ZNF33A: variants seen among roughly 807,000 people sequenced by gnomAD.
The protein encoded by ZNF33A is zinc finger protein 33A, also known as brain my041 protein.
In ZNF33A, 9 loss-of-function variants were observed where a neutral mutation model predicts 15.9. That is an observed-to-expected ratio of 0.57 (90% CI 0.34 to 0.99). The LOEUF (loss-of-function observed/expected upper bound fraction) is 0.99. Ranked by LOEUF, ZNF33A falls within the 50% of genes least tolerant of loss-of-function variation. The probability of loss-of-function intolerance (pLI) is 0.02; values close to 1 mark genes in which losing one functional copy is unlikely to be tolerated. For missense variants in ZNF33A, 843 were observed against 941.6 expected, an observed-to-expected ratio of 0.90 and a Z score of 1.37; for synonymous variants, 294 against 324.2, an observed-to-expected ratio of 0.91 and a Z score of 1.00.
At chr10:38,035,704 T>C (rs1302322385) in intron 4 of ZNF33A, among the ~76,000 whole-genome samples, 3 of 152,196 alleles carry the variant, frequency 2.0e-5, no homozygotes, top group Admixed American at 2.0e-4. Flanking sequence ...CCTGAACTCA[T>C]GACTTCGGTG....
At chr10:38,011,686 T>C (rs1314609409) in intron 1 of ZNF33A, among the ~76,000 whole-genome samples, 1 of 152,214 alleles carries the variant, frequency 6.6e-6, no homozygotes, top group Non-Finnish European at 1.5e-5. Context: ...GGATCACAGT[T>C]AGTAGGGAAG....
At chr10:38,026,961 T>A (rs1269844557) in intron 4 of ZNF33A, among the ~76,000 whole-genome samples, 2 of 152,190 alleles carry the variant, frequency 1.3e-5, no homozygotes, top group Admixed American at 6.5e-5. Flanking sequence ...TTGGCCTGCA[T>A]CAACTGAAAG....
intron 4 of ZNF33A, among the ~76,000 whole-genome samples, chr10:38,025,904 C>G (rs1471502985): frequency 1.3e-5 from 2 of 152,038 alleles, no homozygotes; most frequent in Non-Finnish European, 2.9e-5. Flanking sequence ...AAACAGAAAC[C>G]CTATTGCTAT....
chr10:38,034,152 G>C (rs1212569172), intron 4 of ZNF33A, among the ~76,000 whole-genome samples: 1 of 152,174 alleles, frequency 6.6e-6, no homozygotes, highest in Non-Finnish European at 1.5e-5. Flanking sequence ...TTCTGCTGTC[G>C]TTAACATATT....
At chr10:38,051,760 A>G (rs900871620) in intron 4 of ZNF33A, among the ~76,000 whole-genome samples, 31 of 152,232 alleles carry the variant, frequency 2.0e-4, no homozygotes, top group African/African-American at 6.7e-4. Context: ...ACCTTTTACT[A>G]TACTTCTTTT....
chr10:38,011,783 T>A (rs931290296), intron 1 of ZNF33A, among the ~76,000 whole-genome samples: 18 of 152,154 alleles, frequency 1.2e-4, no homozygotes, highest in African/African-American at 4.1e-4. Flanking sequence ...CTTTGAGAAA[T>A]AGCAACAAAG....
At position 38,053,354 on chromosome 10, in the gene ZNF33A, C is replaced by A. The variant is rs759239930; in HGVS notation, c.251-1021C>A. Among the ~76,000 whole-genome samples, 3 of 152,010 alleles carry A rather than the reference C, an allele frequency of 2.0e-5. No homozygotes were observed. In the Middle Eastern group the frequency reaches 0.01, roughly 517 times the overall value. On this transcript the variant is annotated intron_variant, in intron 4 of 4. Coordinates refer to ENST00000432900, the MANE Select transcript of ZNF33A (RefSeq NM_006954.2). Reference sequence around the variant, plus strand: ...ACAGCCTTTTCTCTGTGCATATGACCAGTGGTTGGGGGTGGTGGGTTGGGG... The same window carrying A: ...ACAGCCTTTTCTCTGTGCATATGACAAGTGGTTGGGGGTGGTGGGTTGGGG...
At chr10:38,014,602 A>G (rs2064359843) in intron 2 of ZNF33A, among the ~76,000 whole-genome samples, 1 of 152,118 alleles carries the variant, frequency 6.6e-6, no homozygotes, top group African/African-American at 2.4e-5. Context: ...TGAAAACACC[A>G]TCCTTTCCCC....
At chr10:38,043,532 C>T (rs2065809753) in intron 4 of ZNF33A, among the ~76,000 whole-genome samples, 1 of 151,820 alleles carries the variant, frequency 6.6e-6, no homozygotes, top group Non-Finnish European at 1.5e-5. Flanking sequence ...GCTGTGTGAC[C>T]CCAGGTCAAA....
At chr10:38,018,684 C>T (rs1362144211) in intron 4 of ZNF33A, among the ~76,000 whole-genome samples, 4 of 151,992 alleles carry the variant, frequency 2.6e-5, no homozygotes, top group African/African-American at 9.7e-5. Context: ...TAGACAGAGC[C>T]GGAAGGCAGG....
intron 4 of ZNF33A, among the ~76,000 whole-genome samples, chr10:38,027,772 G>C (rs1339917378): frequency 6.6e-6 from 1 of 152,134 alleles, no homozygotes; most frequent in African/African-American, 2.4e-5. Flanking sequence ...CTTATTGATG[G>C]AACGACCCTT....
Position 38,056,644 on chromosome 10 carries a change from G to T in ZNF33A, c.*84G>T. 6.8e-7 allele frequency: 1 copy of T among 1,470,628 alleles called. No homozygotes were observed. Among genetic ancestry groups the T allele is most frequent in the South Asian group, 1.5e-5 (1 of 64,824 alleles). 91.1% of individuals were successfully genotyped at this position (1,470,628 alleles called of 1,614,324 possible). A position where few individuals can be genotyped will look rare whatever the true frequency, so the allele number is the denominator to read the frequency against. Reference sequence around the variant, plus strand: ...CTACAACAATTATAGGACAGCTTTTGTTAGGAAGTGATATTCTATGTAATA... The same window carrying T: ...CTACAACAATTATAGGACAGCTTTTTTTAGGAAGTGATATTCTATGTAATA... On this transcript the variant is annotated 3_prime_UTR_variant, in exon 5 of 5. Coordinates refer to ENST00000432900, the MANE Select transcript of ZNF33A (RefSeq NM_006954.2).
At chr10:38,048,657 C>T (rs536682554) in intron 4 of ZNF33A, among the ~76,000 whole-genome samples, 1 of 152,264 alleles carries the variant, frequency 6.6e-6, no homozygotes, top group South Asian at 2.1e-4. Context: ...AAATAGCTTT[C>T]AGAGCCAGGA....
chr10:38,045,435 C>T (rs1391304535), intron 4 of ZNF33A, among the ~76,000 whole-genome samples: 12 of 152,198 alleles, frequency 7.9e-5, no homozygotes, highest in Non-Finnish European at 4.4e-5. Flanking sequence ...TTGTTTTCAA[C>T]ACTGTCCTGG....
At chr10:38,049,570 G>A (rs903387023) in intron 4 of ZNF33A, among the ~76,000 whole-genome samples, 1 of 151,876 alleles carries the variant, frequency 6.6e-6, no homozygotes, top group Non-Finnish European at 1.5e-5. Flanking sequence ...TCACATATAG[G>A]GAATTTCATA....
chr10:38,010,779 G>A lies in ZNF33A; in HGVS notation c.-49G>A. 6.3e-7 allele frequency: 1 copy of A among 1,598,488 alleles called. No homozygotes were observed. The highest frequency in any genetic ancestry group is 8.5e-7 in the Non-Finnish European group (1 of 1,179,818). Reference sequence around the variant, plus strand: ...ATGGCGAATGCAACCCGACGAGGGAGTGGGGTAAGCCCCAGTGGGTTGGGC... The same window carrying A: ...ATGGCGAATGCAACCCGACGAGGGAATGGGGTAAGCCCCAGTGGGTTGGGC... On this transcript the variant is annotated 5_prime_UTR_variant, in exon 1 of 5. It adds an upstream start codon to the 5' untranslated region. Transcript: ENST00000432900.
intron 4 of ZNF33A, among the ~76,000 whole-genome samples, chr10:38,033,711 C>CTTTTTTT (rs369166182): frequency 6.8e-6 from 1 of 146,346 alleles, no homozygotes. Context: ...TGTTGAACAT[C>CTTTTTTT]TTTTTTTTTT....
intron 4 of ZNF33A, 168 bp downstream of exon 4, chr10:38,017,554 A>G (rs2064516870): frequency 4.1e-6 from 2 of 487,356 alleles, no homozygotes; most frequent in Middle Eastern, 5.6e-4. Flanking sequence ...TCCAGATACT[A>G]CTCACAAAAA....
chr10:38,036,601 G>T (rs2065464937), intron 4 of ZNF33A, among the ~76,000 whole-genome samples: 1 of 151,904 alleles, frequency 6.6e-6, no homozygotes, highest in Non-Finnish European at 1.5e-5. Context: ...CCTCAACTTG[G>T]TAAAAAAAAA....
Sources: gnomAD v4.1 joint callset for allele counts (sites outside exome capture counted in the v4.1 genomes callset) on GRCh38, gnomAD v4.1.1 for gene constraint, MANE v1.5 for transcripts, NCBI Gene and HGNC (gene_info 2026-07-23, HGNC 2026-07-21) for gene names.